LIPA: variants seen among roughly 807,000 people sequenced by gnomAD.
LIPA encodes the protein lysosomal acid lipase/cholesteryl ester hydrolase.
In LIPA, 26 loss-of-function variants were observed where a neutral mutation model predicts 40.6. The ratio of observed to expected loss-of-function variants is 0.64; its 90% CI spans 0.47 to 0.89. The LOEUF (loss-of-function observed/expected upper bound fraction) is 0.89. Ranked by LOEUF, LIPA falls within the 40% of genes least tolerant of loss-of-function variation. LIPA has a pLI of 0.00. For missense variants in LIPA, 455 were observed against 479.6 expected, an observed-to-expected ratio of 0.95 and a Z score of 0.48; for synonymous variants, 188 against 168.4, an observed-to-expected ratio of 1.12 and a Z score of -0.90.
chr10:89,392,473 C>G lies in LIPA; in HGVS notation c.61+20318G>C, dbSNP rs1490450941. On this transcript the variant is annotated intron_variant, in intron 2 of 8. Coordinates refer to the LIPA transcript ENST00000371837. ...ATAGAAACAAAGTTTCATTCCCCAC[C>G]CCCCCCCGTCAGCAGGAATTCCGCT... 11 of 184,618 alleles carry G rather than the reference C, an allele frequency of 6.0e-5. No individual in the cohort carries two copies. In the East Asian group the frequency reaches 1.0e-3, roughly 17 times the overall value. 11.4% of individuals were successfully genotyped at this position (184,618 alleles called of 1,614,324 possible). A position where few individuals can be genotyped will look rare whatever the true frequency, so the allele number is the denominator to read the frequency against.
chr10:89,412,973 A>C (rs1841487322), intron 1 of LIPA: 1 of 197,160 alleles, frequency 5.1e-6, no homozygotes, highest in African/African-American at 2.4e-5. Flanking sequence ...TAAGCTCAGC[A>C]TCACTTAGCT....
intron 1 of LIPA, among the ~76,000 whole-genome samples, chr10:89,313,809 GTT>G (rs369709702): frequency 2.8e-3 from 423 of 152,302 alleles, no homozygotes; most frequent in African/African-American, 9.6e-3. Context: ...GTATGATTCT[GTT>G]TATATGAAAT....
At chr10:89,384,753 T>G (rs762365293) in intron 2 of LIPA, 1 of 1,555,198 alleles carries the variant, frequency 6.4e-7, no homozygotes, top group East Asian at 2.3e-5. Context: ...GAGGTCACCA[T>G]TATCCATTTA....
intron 1 of LIPA, among the ~76,000 whole-genome samples, chr10:89,278,987 T>C: frequency 6.6e-6 from 1 of 152,170 alleles, no homozygotes; most frequent in Non-Finnish European, 1.5e-5. Flanking sequence ...TAACAGGTTT[T>C]TACCAACAAT....
Position 89,412,712 on chromosome 10 carries a change from GCGC to G in LIPA, c.61+76_61+78del, listed in dbSNP as rs963965178. 4.8e-5 allele frequency: 20 copies of G among 419,810 alleles called. No homozygotes were observed. The Admixed American group carries it at 5.4e-4, about 11-fold the overall frequency. 26.0% of individuals were successfully genotyped at this position (419,810 alleles called of 1,614,324 possible). A position where few individuals can be genotyped will look rare whatever the true frequency, so the allele number is the denominator to read the frequency against. On this transcript the variant is annotated intron_variant, in intron 2 of 8. Coordinates refer to the LIPA transcript ENST00000371837. ...CCGGGAGGAACGAACAACTCCGGAC[GCGC>G]CACCTTTAAGATCTGTAACACTCAC...
In LIPA at chr10:89,289,464, CT is replaced by C. The variant is rs1295551462; in HGVS notation, c.-1-41816del. On this transcript the variant is annotated intron_variant, in intron 1 of 5. Coordinates refer to the LIPA transcript ENST00000282673. ...CTGGCAAATTGACTTTACTCACATG[CT>C]TCAAGTCAGGAAACTAAAATCCCTT... is the stretch of plus-strand genomic sequence containing the variant. 2.6e-5 allele frequency among the ~76,000 whole-genome samples: 4 copies of C among 152,176 alleles called. No individual in the cohort carries two copies. In the East Asian group the frequency reaches 7.7e-4, roughly 29 times the overall value.
At chr10:89,228,434 C>G in intron 3 of LIPA, 36 bp from the exon 4 acceptor site, 1 of 1,550,902 alleles carries the variant, frequency 6.4e-7, no homozygotes, top group Middle Eastern at 1.7e-4. Flanking sequence ...GCAGTAGCAC[C>G]AAGCTTCAAA....
chr10:89,314,661 T>C (rs1409221088), intron 1 of LIPA: 1 of 152,140 alleles, frequency 6.6e-6, no homozygotes, highest in Non-Finnish European at 1.5e-5. Context: ...AGCGAGACTC[T>C]GTCAAAAAGA....
In LIPA at chr10:89,397,533, G is replaced by T. The variant is rs545449077; in HGVS notation, c.61+15258C>A. ...ATTTGCATTTCTCTAATGGCTAGAG[G>T]CTTAGGGCATCTTTTTTCTTTTTAT... On this transcript the variant is annotated intron_variant, in intron 2 of 8. Coordinates refer to the LIPA transcript ENST00000371837. Among the ~76,000 whole-genome samples, 26 of 152,098 alleles carry T rather than the reference G, an allele frequency of 1.7e-4. No individual in the cohort carries two copies. In the South Asian group the frequency reaches 5.4e-3, roughly 32 times the overall value.
chr10:89,246,065 A>G (rs1009802564), intron 2 of LIPA, among the ~76,000 whole-genome samples: 4 of 152,132 alleles, frequency 2.6e-5, no homozygotes, highest in African/African-American at 9.7e-5. Context: ...ACTTTACCAC[A>G]TCTTGGGCCT....
At chr10:89,344,604 T>C (rs1348865989), upstream of LIPA, among the ~76,000 whole-genome samples, 4 of 136,588 alleles carry the variant, frequency 2.9e-5, no homozygotes, top group Admixed American at 7.2e-5. Context: ...TCACTATCCA[T>C]GCGGCAAGAA....
At chr10:89,304,050 G>A (rs1211607102) in intron 1 of LIPA, among the ~76,000 whole-genome samples, 2 of 152,178 alleles carry the variant, frequency 1.3e-5, no homozygotes, top group African/African-American at 2.4e-5. Flanking sequence ...GTCCTGTGAA[G>A]CACTCTAGTA....
chr10:89,245,665 C>G lies in LIPA; in HGVS notation c.229+11G>C, dbSNP rs202153923. On this transcript the variant is annotated intron_variant, in intron 3 of 9. Transcript: ENST00000336233. ...GAATTCTGGTTTTTACTTTTAAGAG[C>G]CTTCCCATACCTTTGTCAGAATGGT... is the stretch of plus-strand genomic sequence containing the variant. 2 of 1,356,468 alleles carry G rather than the reference C, an allele frequency of 1.5e-6. No individual in the cohort carries two copies. Among genetic ancestry groups the G allele is most frequent in the East Asian group, 2.3e-5 (1 of 43,652 alleles). The allele number at this position is 1,356,468 out of a possible 1,614,324, so 84.0% of individuals were successfully genotyped here.
At chr10:89,258,332 GA>G (rs1182287033) in intron 1 of LIPA, among the ~76,000 whole-genome samples, 1 of 151,902 alleles carries the variant, frequency 6.6e-6, no homozygotes, top group Non-Finnish European at 1.5e-5. Flanking sequence ...GGAGTTCCTG[GA>G]AAAAAATTGG....
intron 1 of LIPA, among the ~76,000 whole-genome samples, chr10:89,279,050 A>G (rs1470294620): frequency 1.3e-5 from 2 of 152,236 alleles, no homozygotes; most frequent in African/African-American, 4.8e-5. Context: ...GTGAAAGACC[A>G]GTTAGTACCA....
chr10:89,219,371 T>C (rs1842668242), intron 8 of LIPA, among the ~76,000 whole-genome samples: 1 of 152,154 alleles, frequency 6.6e-6, no homozygotes, highest in Non-Finnish European at 1.5e-5. Context: ...TGAGAGTACC[T>C]GGGCTCTGGG....
rs1843354631 is a variant in LIPA at position 89,288,723 on chromosome 10, T to C, written c.-1-41074A>G. Among the ~76,000 whole-genome samples, 5 of 152,240 alleles carry C rather than the reference T, an allele frequency of 3.3e-5. No individual in the cohort carries two copies. The South Asian group carries it at 1.0e-3, about 32-fold the overall frequency. ...GCTATACTATAGTATCTTCCACACCTATCATTGAGGCTACCACTCTGCCCC... is the reference window on the plus strand; with the variant it reads ...GCTATACTATAGTATCTTCCACACCCATCATTGAGGCTACCACTCTGCCCC... On this transcript the variant is annotated intron_variant, in intron 1 of 5. Transcript: ENST00000282673.
rs1842959875 is a variant in LIPA at position 89,241,098 on chromosome 10, C to T, written c.229+4578G>A. On this transcript the variant is annotated intron_variant, in intron 3 of 9. Coordinates refer to ENST00000336233, the MANE Select transcript of LIPA (RefSeq NM_000235.4). ...GGTGTGAGAGGCTGAGGAAATCCTC[C>T]CTGAAGATGTGAAAATTAGGTTGAG... Among the ~76,000 whole-genome samples the T allele has an allele frequency of 5.3e-5, 8 of 151,994 alleles. No homozygotes were observed. In the South Asian group the frequency reaches 1.7e-3, roughly 32 times the overall value.
At chr10:89,234,058 C>A (rs944592176) in intron 3 of LIPA, among the ~76,000 whole-genome samples, 2 of 152,162 alleles carry the variant, frequency 1.3e-5, no homozygotes, top group Non-Finnish European at 2.9e-5. Context: ...CTCAGGAAGT[C>A]CCAGAAGAAG....
Sources: allele counts gnomAD v4.1 joint callset (sites outside exome capture counted in the v4.1 genomes callset), GRCh38; gene constraint gnomAD v4.1.1; transcripts MANE v1.5; gene names NCBI Gene and HGNC (gene_info 2026-07-23, HGNC 2026-07-21).